GABRB3: variants seen among roughly 807,000 people sequenced by gnomAD.
The protein encoded by GABRB3 is gamma-aminobutyric acid type A receptor subunit beta3.
GABRB3 carries 14 observed loss-of-function variants against 52.1 expected under a neutral mutation model. That is an observed-to-expected ratio of 0.27 (90% CI 0.18 to 0.42). The LOEUF is 0.42. GABRB3 is among the 10% of genes least tolerant of loss of function. GABRB3 has a pLI of 1.00. For synonymous variants in GABRB3, 260 were observed against 232.3 expected (o/e 1.12, Z -1.08); for missense variants, 307 against 609.1 (o/e 0.50, Z 5.22).
intron 6 of GABRB3, among the ~76,000 whole-genome samples, chr15:26,568,795 ATGAGCCAC>A (rs1567114669): frequency 1.3e-5 from 2 of 151,630 alleles, no homozygotes; most frequent in African/African-American, 2.4e-5. Context: ...GATTACAGGC[ATGAGCCAC>A]TGAGCCCGGC....
chr15:26,587,587 A>C (rs1891041002), intron 4 of GABRB3, among the ~76,000 whole-genome samples: 1 of 152,112 alleles, frequency 6.6e-6, no homozygotes, highest in Admixed American at 6.5e-5. Flanking sequence ...ATGTTGCAGA[A>C]ATCATCGAAT....
chr15:26,571,150 C>T (rs978214515), intron 6 of GABRB3, among the ~76,000 whole-genome samples: 6 of 152,110 alleles, frequency 3.9e-5, no homozygotes, highest in Non-Finnish European at 8.8e-5. Context: ...TCATGGCAAC[C>T]TCAGACCTTT....
intron 4 of GABRB3, chr15:26,615,517 T>A (rs1892222494): frequency 2.3e-6 from 2 of 861,488 alleles, no homozygotes; most frequent in South Asian, 1.1e-4. Context: ...AACAACCTTT[T>A]ATCACTACAA....
At chr15:26,661,830 G>A (rs1455067370) in intron 3 of GABRB3, among the ~76,000 whole-genome samples, 1 of 152,126 alleles carries the variant, frequency 6.6e-6, no homozygotes, top group Non-Finnish European at 1.5e-5. Context: ...CGTCCTCCCA[G>A]TCCTCAGGCC....
intron 5 of GABRB3, among the ~76,000 whole-genome samples, 190 bp downstream of exon 5, chr15:26,583,142 C>G (rs1890849156): frequency 6.6e-6 from 1 of 152,162 alleles, no homozygotes; most frequent in African/African-American, 2.4e-5. Flanking sequence ...CAAACAGACT[C>G]TCTTAATCAG....
At chr15:26,668,575 A>G (rs1198836341) in intron 3 of GABRB3, among the ~76,000 whole-genome samples, 1 of 152,154 alleles carries the variant, frequency 6.6e-6, no homozygotes, top group Non-Finnish European at 1.5e-5. Context: ...TCTTGCTAAG[A>G]GCATGTAGTC....
chr15:26,649,043 G>A (rs1164477837), intron 3 of GABRB3, among the ~76,000 whole-genome samples: 2 of 152,126 alleles, frequency 1.3e-5, no homozygotes, highest in Non-Finnish European at 2.9e-5. Flanking sequence ...CGAGCAGGGA[G>A]GCAGCAGAAC....
chr15:26,622,891 A>T (rs1390366408), intron 3 of GABRB3, among the ~76,000 whole-genome samples: 1 of 152,200 alleles, frequency 6.6e-6, no homozygotes, highest in Non-Finnish European at 1.5e-5. Flanking sequence ...AAAAATTAAG[A>T]GTGGAAGGAA....
At chr15:26,629,163 G>C in intron 3 of GABRB3, 1 of 1,499,362 alleles carries the variant, frequency 6.7e-7, no homozygotes, top group Non-Finnish European at 8.9e-7. Flanking sequence ...GGAGTGTGGG[G>C]AGAAGCAGCT....
intron 3 of GABRB3, among the ~76,000 whole-genome samples, chr15:26,766,584 G>T (rs1246523209): frequency 6.6e-6 from 1 of 152,132 alleles, no homozygotes; most frequent in Admixed American, 6.5e-5. Context: ...AGAAGCAACA[G>T]CTATCTTTTG....
chr15:26,649,136 G>C (rs575444177), intron 3 of GABRB3, among the ~76,000 whole-genome samples: 1 of 152,316 alleles, frequency 6.6e-6, no homozygotes, highest in South Asian at 2.1e-4. Flanking sequence ...TACGATATGC[G>C]TGTATGCATC....
At chr15:26,705,268 A>G (rs1459247000) in intron 3 of GABRB3, among the ~76,000 whole-genome samples, 1 of 152,206 alleles carries the variant, frequency 6.6e-6, no homozygotes, top group Non-Finnish European at 1.5e-5. Flanking sequence ...TGCCTTTATC[A>G]AGCGCCTTTA....
intron 4 of GABRB3, among the ~76,000 whole-genome samples, chr15:26,619,890 C>T (rs1347426323): frequency 6.6e-6 from 1 of 151,690 alleles, no homozygotes; most frequent in African/African-American, 2.4e-5. Context: ...CACACCAACA[C>T]AACACATACC....
intron 8 of GABRB3, among the ~76,000 whole-genome samples, chr15:26,555,038 G>C (rs1889701448): frequency 6.6e-6 from 1 of 152,200 alleles, no homozygotes; most frequent in South Asian, 2.1e-4. Flanking sequence ...ATATAAATTA[G>C]CTGGGTGTGG....
intron 3 of GABRB3, among the ~76,000 whole-genome samples, chr15:26,627,484 C>T (rs1892750138): frequency 1.3e-5 from 2 of 151,446 alleles, no homozygotes; most frequent in African/African-American, 2.4e-5. Flanking sequence ...AGATGTCATT[C>T]TAGATGTCAG....
At chr15:26,709,173 A>G (rs28677939) in intron 3 of GABRB3, among the ~76,000 whole-genome samples, 1,832 of 152,252 alleles carry the variant, frequency 0.012, 36 homozygotes, top group African/African-American at 0.042. Context: ...TACAGTTTGG[A>G]TATGTGTCCA....
intron 3 of GABRB3, among the ~76,000 whole-genome samples, chr15:26,730,962 T>C (rs1205320344): frequency 2.0e-5 from 3 of 152,192 alleles, no homozygotes; most frequent in Non-Finnish European, 2.9e-5. Flanking sequence ...TGAATATAAT[T>C]TGGGTTCAAC....
At chr15:26,740,583 G>A (rs138398545) in intron 3 of GABRB3, among the ~76,000 whole-genome samples, 1 of 152,090 alleles carries the variant, frequency 6.6e-6, no homozygotes, top group East Asian at 1.9e-4. Flanking sequence ...GAGCACCCAA[G>A]GGACCAGGAC....
intron 3 of GABRB3, among the ~76,000 whole-genome samples, chr15:26,744,221 G>C (rs186097642): frequency 2.6e-5 from 4 of 152,200 alleles, no homozygotes; most frequent in Non-Finnish European, 5.9e-5. Context: ...TTGAGTATTT[G>C]AATTTGATAT....
Sources: gnomAD v4.1 joint callset for allele counts (sites outside exome capture counted in the v4.1 genomes callset) on GRCh38, gnomAD v4.1.1 for gene constraint, MANE v1.5 for transcripts, NCBI Gene and HGNC (gene_info 2026-07-23, HGNC 2026-07-21) for gene names.